SEPTIN7: variants seen among roughly 807,000 people sequenced by gnomAD.
SEPTIN7 encodes the protein septin-7.
SEPTIN7 carries 10 observed loss-of-function variants against 63.3 expected under a neutral mutation model. That is an observed-to-expected ratio of 0.16 (90% CI 0.10 to 0.27). The LOEUF is 0.27. Ranked by LOEUF, SEPTIN7 falls within the 10% of genes least tolerant of loss-of-function variation. The probability of loss-of-function intolerance (pLI) is 1.00; values close to 1 mark genes in which losing one functional copy is unlikely to be tolerated. For missense variants in SEPTIN7, 310 were observed against 521.0 expected (o/e 0.59, Z 3.94); for synonymous variants, 131 against 165.3 (o/e 0.79, Z 1.59).
At chr7:35,808,455 C>A (rs1482325887) in intron 1 of SEPTIN7, among the ~76,000 whole-genome samples, 1 of 152,152 alleles carries the variant, frequency 6.6e-6, no homozygotes, top group African/African-American at 2.4e-5. Flanking sequence ...GCTGCATAAC[C>A]GTTACATGAT....
chr7:35,904,346 C>T lies in SEPTIN7; in HGVS notation c.*53C>T. The T allele has an allele frequency of 4.2e-6, 6 of 1,443,460 alleles. No individual in the cohort carries two copies. The highest frequency in any genetic ancestry group is 2.2e-5 in the Admixed American group (1 of 46,142). 89.4% of individuals were successfully genotyped at this position (1,443,460 alleles called of 1,614,324 possible). A position where few individuals can be genotyped will look rare whatever the true frequency, so the allele number is the denominator to read the frequency against. On this transcript the variant is annotated 3_prime_UTR_variant, in exon 14 of 14. Transcript: ENST00000350320. The stretch of plus-strand genomic sequence containing the variant: ...TTAGTTGCCAATATGCCAGCTTGGA[C>T]ATCAGTGTTTGTTGGATCCGTTTGA...
chr7:35,872,815 G>C (rs756677503), intron 5 of SEPTIN7, 49 bp downstream of exon 5: 2 of 1,266,510 alleles, frequency 1.6e-6, no homozygotes, highest in Admixed American at 1.7e-5. Flanking sequence ...GGGGTACTGG[G>C]GTGGTTAAAC....
intron 3 of SEPTIN7, among the ~76,000 whole-genome samples, chr7:35,848,869 G>A (rs976537516): frequency 1.3e-5 from 2 of 152,154 alleles, no homozygotes; most frequent in African/African-American, 4.8e-5. Flanking sequence ...TTCTATTTCT[G>A]AGTATAGCAA....
intron 6 of SEPTIN7, among the ~76,000 whole-genome samples, chr7:35,875,770 T>TATAC (rs144950029): frequency 0.014 from 2,168 of 152,170 alleles, 19 homozygotes; most frequent in African/African-American, 0.026. Context: ...TTTTTTCTCT[T>TATAC]ATACATACAT....
At chr7:35,866,376 A>G (rs1785806837) in intron 4 of SEPTIN7, among the ~76,000 whole-genome samples, 1 of 152,092 alleles carries the variant, frequency 6.6e-6, no homozygotes, top group Non-Finnish European at 1.5e-5. Context: ...AAGCTAATAA[A>G]CTCTCACAGT....
chr7:35,821,590 A>T (rs1789412390), intron 1 of SEPTIN7, among the ~76,000 whole-genome samples: 1 of 152,164 alleles, frequency 6.6e-6, no homozygotes, highest in Admixed American at 6.5e-5. Flanking sequence ...ATCATGTATG[A>T]TTCTCAAGAC....
chr7:35,865,207 T>A (rs566745182), intron 4 of SEPTIN7, among the ~76,000 whole-genome samples: 4 of 152,130 alleles, frequency 2.6e-5, no homozygotes, highest in South Asian at 4.1e-4. Context: ...TACCTTAATT[T>A]AGGTATTTAT....
rs771370308 is a variant in SEPTIN7 at position 35,890,699 on chromosome 7, A to G, written c.904A>G (p.Asn302Asp). The G allele has an allele frequency of 3.1e-6, 5 of 1,590,090 alleles. No individual in the cohort carries two copies. The highest frequency in any genetic ancestry group is 4.3e-6 in the Non-Finnish European group (5 of 1,170,698). The change falls in exon 11 of 14, where the codon AAT becomes GAT. Residue 302 changes from asparagine to aspartate, a missense_variant. Asn to Asp is a conservative substitution (Grantham distance 23). Around this residue, in one of 2 missense-constraint regions of SEPTIN7, gnomAD observed 255 missense variants for 490.5 expected, o/e 0.52. Coordinates refer to ENST00000350320, the MANE Select transcript of SEPTIN7 (RefSeq NM_001788.6). The stretch of plus-strand genomic sequence containing the variant: ...CATGCAGGACTTGAAAGATGTTACT[A>G]ATAATGTCCACTATGAGAACTACAG... ...THMQDLKDVT[N>D]NVHYENYRSR...
At chr7:35,841,173 A>G (rs1473641324) in intron 3 of SEPTIN7, among the ~76,000 whole-genome samples, 1 of 152,086 alleles carries the variant, frequency 6.6e-6, no homozygotes, top group African/African-American at 2.4e-5. Context: ...GTGAGCCGAG[A>G]TCGTGCCACT....
At chr7:35,805,008 A>G (rs536413387) in intron 1 of SEPTIN7, among the ~76,000 whole-genome samples, 2 of 151,910 alleles carry the variant, frequency 1.3e-5, no homozygotes, top group East Asian at 1.9e-4. Flanking sequence ...CAGCCTCCCA[A>G]GTAGCTGGGG....
At chr7:35,872,632 A>G (rs778601795) in intron 4 of SEPTIN7, 34 bp from the exon 5 acceptor site, 4 of 1,470,134 alleles carry the variant, frequency 2.7e-6, no homozygotes, top group South Asian at 1.1e-5. Context: ...GATGTAATGT[A>G]TGATATTAAC....
intron 10 of SEPTIN7, among the ~76,000 whole-genome samples, chr7:35,888,651 C>G (rs1583630326): frequency 6.6e-6 from 1 of 151,830 alleles, no homozygotes; most frequent in African/African-American, 2.4e-5. Flanking sequence ...GAAACCTCGT[C>G]CCTACTAAAA....
intron 3 of SEPTIN7, among the ~76,000 whole-genome samples, chr7:35,841,226 A>G (rs1021783042): frequency 6.6e-6 from 1 of 152,082 alleles, no homozygotes; most frequent in African/African-American, 2.4e-5. Context: ...TTCTGTCTCA[A>G]ACGTAAAAAA....
At chr7:35,823,970 G>T in intron 1 of SEPTIN7, among the ~76,000 whole-genome samples, 1 of 147,894 alleles carries the variant, frequency 6.8e-6, no homozygotes, top group Non-Finnish European at 1.5e-5. Context: ...CTGCTACTTG[G>T]TGTTTTCTAT....
intron 10 of SEPTIN7, among the ~76,000 whole-genome samples, chr7:35,887,348 G>A (rs942719829): frequency 7.9e-5 from 12 of 152,302 alleles, no homozygotes; most frequent in African/African-American, 2.6e-4. Context: ...GCTAGTTACT[G>A]AGCCAGAGGC....
chr7:35,806,076 A>C (rs1167293330), intron 1 of SEPTIN7, among the ~76,000 whole-genome samples: 2 of 152,216 alleles, frequency 1.3e-5, no homozygotes, highest in Non-Finnish European at 2.9e-5. Context: ...AATGAAAAAA[A>C]TGTCTACAGA....
At chr7:35,885,729 C>A in intron 9 of SEPTIN7, 99 bp from the exon 10 acceptor site, 1 of 871,600 alleles carries the variant, frequency 1.1e-6, no homozygotes, top group Non-Finnish European at 1.9e-6. Context: ...TTTTGCATTT[C>A]CTCTTCTTGT....
intron 1 of SEPTIN7, among the ~76,000 whole-genome samples, chr7:35,807,137 T>C (rs1788395199): frequency 6.6e-6 from 1 of 152,166 alleles, no homozygotes; most frequent in African/African-American, 2.4e-5. Flanking sequence ...GCTGTGGTCA[T>C]GGATGTTATG....
intron 1 of SEPTIN7, among the ~76,000 whole-genome samples, chr7:35,818,017 C>T (rs1234636628): frequency 6.6e-6 from 1 of 151,836 alleles, no homozygotes; most frequent in Admixed American, 6.6e-5. Context: ...TTTTCTGGAA[C>T]CTCCAGAACT....
Sources: allele counts gnomAD v4.1 joint callset (sites outside exome capture counted in the v4.1 genomes callset), GRCh38; gene constraint gnomAD v4.1.1; regional missense constraint gnomAD v4.1.1; transcripts MANE v1.5; gene names NCBI Gene and HGNC (gene_info 2026-07-23, HGNC 2026-07-21).